Variants in SH3BP4 observed in about 807,000 individuals in gnomAD.
SH3BP4 encodes SH3 domain-binding protein 4.
SH3BP4 carries 33 observed loss-of-function variants against 65.5 expected under a neutral mutation model. The ratio of observed to expected loss-of-function variants is 0.50; its 90% CI spans 0.38 to 0.67. The LOEUF is 0.67. Among genes scored for constraint, SH3BP4 ranks in the 30% least tolerant of loss-of-function variants. The pLI is 0.00. For missense variants in SH3BP4, 1,134 were observed against 1,261.4 expected (o/e 0.90, Z 1.53); for synonymous variants, 552 against 545.5 (o/e 1.01, Z -0.17).
intron 2 of SH3BP4, among the ~76,000 whole-genome samples, chr2:234,998,688 A>T (rs1057035743): frequency 2.6e-5 from 4 of 152,042 alleles, no homozygotes; most frequent in Admixed American, 2.0e-4. Context: ...CTGGAAGAGC[A>T]CCCTGTACTC....
At chr2:235,007,482 G>A (rs1694331954) in intron 2 of SH3BP4, among the ~76,000 whole-genome samples, 1 of 152,186 alleles carries the variant, frequency 6.6e-6, no homozygotes, top group Non-Finnish European at 1.5e-5. Flanking sequence ...CATGGAGTGG[G>A]TAGAGCCTGA....
chr2:234,979,797 A>T (rs1171881804), intron 1 of SH3BP4: 2 of 148,372 alleles, frequency 1.3e-5, no homozygotes, highest in African/African-American at 5.0e-5. Context: ...ACTGGATGCT[A>T]CAACAAGCAG....
intron 2 of SH3BP4, among the ~76,000 whole-genome samples, chr2:235,009,320 C>G (rs576055232): frequency 4.6e-5 from 7 of 152,132 alleles, no homozygotes; most frequent in Non-Finnish European, 1.0e-4. Flanking sequence ...TTCCAAGGAA[C>G]AAAACTCAGA....
chr2:234,996,624 T>C (rs1314495348), intron 2 of SH3BP4, among the ~76,000 whole-genome samples: 1 of 152,216 alleles, frequency 6.6e-6, no homozygotes, highest in Non-Finnish European at 1.5e-5. Flanking sequence ...TGTGGTCTCT[T>C]TGGGCTGCGG....
At chr2:234,999,168 G>A (rs1242882988) in intron 2 of SH3BP4, among the ~76,000 whole-genome samples, 2 of 152,310 alleles carry the variant, frequency 1.3e-5, no homozygotes, top group African/African-American at 2.4e-5. Flanking sequence ...CTGCACTCCC[G>A]GCGACACATT....
intron 2 of SH3BP4, among the ~76,000 whole-genome samples, chr2:235,031,820 C>T (rs546954110): frequency 1.1e-4 from 17 of 152,358 alleles, no homozygotes; most frequent in Admixed American, 9.8e-4. Flanking sequence ...CGCCCTAGGC[C>T]CCACCAGGGC....
chr2:235,055,375 A>T lies in SH3BP4; in HGVS notation c.*1559A>T, dbSNP rs895788461. On this transcript the variant is annotated 3_prime_UTR_variant, in exon 6 of 6. Transcript: ENST00000392011. Reference sequence around the variant, plus strand: ...TGAAGACCAACGGACTGAAAAAAAGAACAAACATTAGCTATTTTATGCTGC... The same window carrying T: ...TGAAGACCAACGGACTGAAAAAAAGTACAAACATTAGCTATTTTATGCTGC... The T allele has an allele frequency of 4.6e-5, 7 of 152,662 alleles. No individual in the cohort carries two copies. The highest frequency in any genetic ancestry group is 1.7e-4 in the African/African-American group (7 of 41,450). The allele number at this position is 152,662 out of a possible 1,614,324, so 9.5% of individuals were successfully genotyped here.
At position 235,040,875 on chromosome 2, in the gene SH3BP4, G is replaced by A. The variant is rs761177111; in HGVS notation, c.119-13G>A. ...CTTGCCCTCACCATCTGTTTTCTTTGTGTTTTGCACAGTGCCTTCTCCCAG... is the reference window on the plus strand; with the variant it reads ...CTTGCCCTCACCATCTGTTTTCTTTATGTTTTGCACAGTGCCTTCTCCCAG... On this transcript the variant is annotated splice_polypyrimidine_tract_variant and intron_variant, in intron 3 of 5. Transcript: ENST00000392011. The A allele has an allele frequency of 1.9e-6, 3 of 1,600,666 alleles. No individual in the cohort carries two copies. Among genetic ancestry groups the A allele is most frequent in the South Asian group, 2.2e-5 (2 of 90,674 alleles).
chr2:234,957,846 G>A (rs193299681), intron 1 of SH3BP4, among the ~76,000 whole-genome samples: 4 of 152,194 alleles, frequency 2.6e-5, no homozygotes, highest in Admixed American at 2.0e-4. Flanking sequence ...AAGGAGGTGA[G>A]ATCTCCCTTG....
rs796366986 is a variant in SH3BP4, at chr2:234,970,862, C to T, written c.-207+18692C>T. 6.0e-5 allele frequency among the ~76,000 whole-genome samples: 9 copies of T among 151,240 alleles called. No individual in the cohort carries two copies. The South Asian group carries it at 1.7e-3, about 28-fold the overall frequency. On this transcript the variant is annotated intron_variant, in intron 1 of 5. Transcript: ENST00000392011. Reference sequence around the variant, plus strand: ...AGGGTTGACTTTTTTTTTTTAACTGCGTTGGAATTGTTCTGTAGGTTATCA... The same window carrying T: ...AGGGTTGACTTTTTTTTTTTAACTGTGTTGGAATTGTTCTGTAGGTTATCA...
At chr2:234,956,627 C>T (rs1315108189) in intron 1 of SH3BP4, among the ~76,000 whole-genome samples, 1 of 150,126 alleles carries the variant, frequency 6.7e-6, no homozygotes, top group Non-Finnish European at 1.5e-5. Context: ...AATCATAGCT[C>T]ACTGCAGCCT....
In SH3BP4 at chr2:235,035,646, T is replaced by G. The variant is rs1469426028; in HGVS notation, c.118+526T>G. 6.6e-6 allele frequency among the ~76,000 whole-genome samples: 1 copy of G among 152,218 alleles called. No individual in the cohort carries two copies. The highest frequency in any genetic ancestry group is 1.5e-5 in the Non-Finnish European group (1 of 68,040). Reference sequence around the variant, plus strand: ...GAGTCGTGTTTCCAAGACAACTTTTTTTTTGCAGACAGCCCCATTTGGCCC... The same window carrying G: ...GAGTCGTGTTTCCAAGACAACTTTTGTTTTGCAGACAGCCCCATTTGGCCC... On this transcript the variant is annotated intron_variant, in intron 3 of 5. Coordinates refer to ENST00000392011, the MANE Select transcript of SH3BP4 (RefSeq NM_014521.3). This position sits in a 1 kb window ranked among gnomAD's most constrained non-coding sequence, Gnocchi z 5.0.
At chr2:235,023,022 G>T (rs1318347139) in intron 2 of SH3BP4, among the ~76,000 whole-genome samples, 1 of 152,142 alleles carries the variant, frequency 6.6e-6, no homozygotes, top group African/African-American at 2.4e-5. Flanking sequence ...GGAGAAATAG[G>T]TGTACCTTTA....
At chr2:235,007,912 G>A (rs974895701) in intron 2 of SH3BP4, among the ~76,000 whole-genome samples, 7 of 152,216 alleles carry the variant, frequency 4.6e-5, no homozygotes, top group African/African-American at 1.2e-4. Context: ...GATGGGCACC[G>A]GAGAGGTTGG....
rs199714068 is a variant in SH3BP4 at position 235,019,873 on chromosome 2, TAAAAAAAA to T, written c.-132-14982_-132-14975del. 2.7e-5 allele frequency among the ~76,000 whole-genome samples: 3 copies of T among 112,602 alleles called. No homozygotes were observed. In the Admixed American group the frequency reaches 2.8e-4, roughly 11 times the overall value. 73.9% of individuals were successfully genotyped at this position (112,602 alleles called of 152,430 possible). ...TCCCAAACTATACTCTAAAGATTCT[TAAAAAAAA>T]AAAAAAAAAAAAAAATCTTTAAAAG... On this transcript the variant is annotated intron_variant, in intron 2 of 5. Transcript: ENST00000392011.
chr2:235,033,388 C>T lies in SH3BP4; in HGVS notation c.-132-1483C>T, dbSNP rs1695266863. Among the ~76,000 whole-genome samples, 1 of 152,218 alleles carries T rather than the reference C, an allele frequency of 6.6e-6. No individual in the cohort carries two copies. The highest frequency in any genetic ancestry group is 2.1e-4 in the South Asian group (1 of 4,832). On this transcript the variant is annotated intron_variant, in intron 2 of 5. Coordinates refer to ENST00000392011, the MANE Select transcript of SH3BP4 (RefSeq NM_014521.3). This position sits in a 1 kb window ranked among gnomAD's most constrained non-coding sequence, Gnocchi z 5.7. The stretch of plus-strand genomic sequence containing the variant: ...ACCCCACCTTCATGATCTCTTCTAA[C>T]TCTAACTACTCCCCACTGCCCCACC...
intron 1 of SH3BP4, chr2:234,983,241 A>G (rs1693445990): frequency 6.6e-6 from 1 of 152,358 alleles, no homozygotes; most frequent in Non-Finnish European, 1.5e-5. Flanking sequence ...TTTTGTCCCC[A>G]GATTTGTGCT....
Position 235,034,417 on chromosome 2 carries a change from C to T in SH3BP4, c.-132-454C>T, listed in dbSNP as rs759743326. Among the ~76,000 whole-genome samples the T allele has an allele frequency of 6.6e-6, 1 of 152,170 alleles. No homozygotes were observed. The highest frequency in any genetic ancestry group is 1.5e-5 in the Non-Finnish European group (1 of 68,032). On this transcript the variant is annotated intron_variant, in intron 2 of 5. Coordinates refer to ENST00000392011, the MANE Select transcript of SH3BP4 (RefSeq NM_014521.3). This position sits in a 1 kb window ranked among gnomAD's most constrained non-coding sequence, Gnocchi z 6.2. ...GGCTGTGTTCATTGATGGCTGCTTCCCGGGGCCGAGTCACCATGATGACTG... is the reference window on the plus strand; with the variant it reads ...GGCTGTGTTCATTGATGGCTGCTTCTCGGGGCCGAGTCACCATGATGACTG...
Position 235,042,561 on chromosome 2 carries a change from G to C in SH3BP4, c.1792G>C (p.Glu598Gln). The C allele has an allele frequency of 6.2e-7, 1 of 1,614,162 alleles. No homozygotes were observed. Among genetic ancestry groups the C allele is most frequent in the Non-Finnish European group, 8.5e-7 (1 of 1,180,044 alleles). ...GCGGGTTCAGGTGAAGGACGACCAG[G>C]AGGCCATCCTCACCCAGTTTTGTGT... ...TLRVQVKDDQ[E>Q]AILTQFCVQT... The change falls in exon 4 of 6, where the codon GAG becomes CAG. Residue 598 changes from glutamate (E) to glutamine (Q), a missense_variant. Glu to Gln is a conservative substitution (Grantham distance 29). Coordinates refer to ENST00000392011, the MANE Select transcript of SH3BP4 (RefSeq NM_014521.3). This position sits in a 1 kb window ranked among gnomAD's most constrained non-coding sequence, Gnocchi z 7.3.
Sources: allele counts gnomAD v4.1 joint callset (sites outside exome capture counted in the v4.1 genomes callset), GRCh38; gene constraint gnomAD v4.1.1; non-coding constraint Gnocchi (gnomAD v3.1); transcripts MANE v1.5; gene names NCBI Gene and HGNC (gene_info 2026-07-23, HGNC 2026-07-21).